The following WWC2 variants were observed in gnomAD, a reference collection of about 807,000 sequenced individuals.
WWC2 encodes the protein WW and C2 domain containing 2.
In WWC2, 101 loss-of-function variants were observed where a neutral mutation model predicts 138.5. The ratio of observed to expected loss-of-function variants is 0.73; its 90% CI spans 0.62 to 0.86. WWC2 has a LOEUF of 0.86. Ranked by LOEUF, WWC2 falls within the 40% of genes least tolerant of loss-of-function variation. WWC2 has a pLI of 0.00. For missense variants in WWC2, 1,420 were observed against 1,419.4 expected (o/e 1.00, Z -0.01); for synonymous variants, 558 against 538.4 (o/e 1.04, Z -0.50).
chr4:183,312,596 A>G, intron 22 of WWC2, 128 bp downstream of exon 22: 1 of 1,364,004 alleles, frequency 7.3e-7, no homozygotes, highest in Non-Finnish European at 9.8e-7. Context: ...TCTACCTTGA[A>G]TATATAATTT....
chr4:183,172,101 G>A (rs1734306734), intron 1 of WWC2, among the ~76,000 whole-genome samples: 1 of 151,946 alleles, frequency 6.6e-6, no homozygotes, highest in Non-Finnish European at 1.5e-5. Flanking sequence ...CCAATTTGTG[G>A]CCAGAATTAT....
intron 6 of WWC2, among the ~76,000 whole-genome samples, chr4:183,247,641 A>G (rs1043667747): frequency 2.9e-5 from 4 of 139,006 alleles, no homozygotes; most frequent in Non-Finnish European, 6.2e-5. Flanking sequence ...TATATATACT[A>G]TATATACTAT....
intron 1 of WWC2, among the ~76,000 whole-genome samples, chr4:183,132,937 A>C (rs1732972945): frequency 6.8e-6 from 1 of 147,480 alleles, no homozygotes; most frequent in South Asian, 2.1e-4. Flanking sequence ...TCAATACTTT[A>C]TTATTAGCCC....
At chr4:183,299,952 C>T (rs1738773132) in intron 21 of WWC2, among the ~76,000 whole-genome samples, 1 of 152,188 alleles carries the variant, frequency 6.6e-6, no homozygotes, top group Admixed American at 6.5e-5. Flanking sequence ...GGTCACACTC[C>T]TTAACCTTCC....
At position 183,133,685 on chromosome 4, in the gene WWC2, C is replaced by T. The variant is rs150499488; in HGVS notation, c.131+34063C>T. Among the ~76,000 whole-genome samples, 54 of 152,170 alleles carry T rather than the reference C, an allele frequency of 3.5e-4. No homozygotes were observed. In the East Asian group the frequency reaches 9.9e-3, roughly 28 times the overall value. On this transcript the variant is annotated intron_variant, in intron 1 of 22. Coordinates refer to ENST00000403733, the MANE Select transcript of WWC2 (RefSeq NM_024949.6). Reference sequence around the variant, plus strand: ...CTAATTTTTGTATTTTTAGTAGAGACGGGGTTTCACCGTGTTGGCCAGGCT... The same window carrying T: ...CTAATTTTTGTATTTTTAGTAGAGATGGGGTTTCACCGTGTTGGCCAGGCT...
chr4:183,217,808 CAT>C (rs756421074), intron 4 of WWC2, among the ~76,000 whole-genome samples: 61 of 152,094 alleles, frequency 4.0e-4, no homozygotes, highest in African/African-American at 1.2e-3. Context: ...GATAGTTAGA[CAT>C]GTGTAATTAA....
intron 4 of WWC2, among the ~76,000 whole-genome samples, chr4:183,220,148 G>A (rs1175591130): frequency 6.6e-6 from 1 of 152,176 alleles, no homozygotes; most frequent in East Asian, 1.9e-4. Context: ...AGAGCCACAA[G>A]GAACTGAATG....
chr4:183,106,246 A>G (rs1375187190), intron 1 of WWC2, among the ~76,000 whole-genome samples: 1 of 151,816 alleles, frequency 6.6e-6, no homozygotes, highest in Non-Finnish European at 1.5e-5. Context: ...AGCCTCCCAA[A>G]ATGCTGGGAT....
rs139803351 is a variant in WWC2, at chr4:183,230,916, T to C, written c.523-9267T>C. Among the ~76,000 whole-genome samples, 1,287 of 152,296 alleles carry C rather than the reference T, an allele frequency of 8.5e-3. 31 individuals carry two copies. Among genetic ancestry groups the C allele is most frequent in the African/African-American group, 0.029 (1,213 of 41,558 alleles). On this transcript the variant is annotated intron_variant, in intron 4 of 22. Transcript: ENST00000403733. ...TTGAAGTGAAATGACTAAATTCGTA[T>C]TGAAATATTATTAACCAAAACTGAT...
intron 4 of WWC2, among the ~76,000 whole-genome samples, chr4:183,228,905 A>G (rs79405638): frequency 1.3e-5 from 2 of 152,120 alleles, no homozygotes; most frequent in Admixed American, 6.5e-5. Context: ...ATGCAAATCA[A>G]CGTACACAAC....
Position 183,316,991 on chromosome 4 carries a change from G to C in WWC2, c.*1262G>C, listed in dbSNP as rs774135163. On this transcript the variant is annotated 3_prime_UTR_variant, in exon 23 of 23. Coordinates refer to ENST00000403733, the MANE Select transcript of WWC2 (RefSeq NM_024949.6). ...GACCCAGGCACTTCTTAAAAACACAGATCCTCAGTGCAGCTCTGCCAGCAT... is the reference window on the plus strand; with the variant it reads ...GACCCAGGCACTTCTTAAAAACACACATCCTCAGTGCAGCTCTGCCAGCAT... 2.0e-5 allele frequency: 3 copies of C among 152,126 alleles called. No individual in the cohort carries two copies. The highest frequency in any genetic ancestry group is 4.4e-5 in the Non-Finnish European group (3 of 68,032). The allele number at this position is 152,126 out of a possible 1,614,324, so 9.4% of individuals were successfully genotyped here.
chr4:183,280,821 G>C lies in WWC2; in HGVS notation c.2608G>C (p.Ala870Pro). The part of the protein sequence containing the change: ...LLARTSAELL[A>P]VEQELAQEEE... Reference sequence around the variant, plus strand: ...TGCAAGAACATCAGCTGAGTTGTTAGCTGTGGAACAAGAATTAGCACAAGA... The same window carrying C: ...TGCAAGAACATCAGCTGAGTTGTTACCTGTGGAACAAGAATTAGCACAAGA... The change falls in exon 17 of 23, where the codon GCT becomes CCT. Residue 870 changes from alanine to proline, a missense_variant. Ala to Pro is a conservative substitution (Grantham distance 27). Coordinates refer to ENST00000403733, the MANE Select transcript of WWC2 (RefSeq NM_024949.6). 3 of 1,602,570 alleles carry C rather than the reference G, an allele frequency of 1.9e-6. No individual in the cohort carries two copies. Among genetic ancestry groups the C allele is most frequent in the Non-Finnish European group, 2.6e-6 (3 of 1,174,416 alleles).
At chr4:183,185,861 C>T (rs1734780487) in intron 1 of WWC2, among the ~76,000 whole-genome samples, 1 of 151,570 alleles carries the variant, frequency 6.6e-6, no homozygotes, top group Admixed American at 6.6e-5. Flanking sequence ...TATATTAGAG[C>T]ATGTGTGGTA....
intron 4 of WWC2, among the ~76,000 whole-genome samples, chr4:183,215,222 A>G (rs570832396): frequency 2.0e-4 from 30 of 152,392 alleles, no homozygotes; most frequent in African/African-American, 6.5e-4. Flanking sequence ...TTATACTTTA[A>G]TAAAAGTTAT....
chr4:183,197,314 C>T (rs181073191), intron 2 of WWC2, among the ~76,000 whole-genome samples: 23 of 152,354 alleles, frequency 1.5e-4, no homozygotes, highest in African/African-American at 5.3e-4. Context: ...TCCATTGTCT[C>T]ATTAATCTTC....
intron 16 of WWC2, among the ~76,000 whole-genome samples, chr4:183,276,823 GT>G: frequency 6.6e-6 from 1 of 151,956 alleles, no homozygotes; most frequent in East Asian, 1.9e-4. Context: ...GTGAAGGATA[GT>G]TTTTTTGCTG....
At position 183,261,508 on chromosome 4, in the gene WWC2, G is replaced by T; in HGVS notation, c.1885G>T (p.Glu629Ter). Residue 629 changes from glutamate (E) to a stop codon, truncating the protein, a stop_gained, in exon 11 of 23, where the codon GAG becomes TAG. Transcript: ENST00000403733. LOFTEE classifies it high-confidence loss of function. ...EDKDLNECAR[E>*]PLYEGTADVE... ...TAAAGACCTTAATGAATGTGCTAGG[G>T]AGCCATTATATGAAGGAACTGCAGG... 6.2e-7 allele frequency: 1 copy of T among 1,612,294 alleles called. No homozygotes were observed.
chr4:183,099,749 G>T, intron 1 of WWC2, 127 bp downstream of exon 1: 1 of 993,954 alleles, frequency 1.0e-6, no homozygotes, highest in Non-Finnish European at 1.2e-6. Context: ...GAGGGATGTG[G>T]GGCTGGCTGC....
At chr4:183,239,558 T>C (rs777941408) in intron 4 of WWC2, among the ~76,000 whole-genome samples, 3 of 152,298 alleles carry the variant, frequency 2.0e-5, no homozygotes, top group Non-Finnish European at 4.4e-5. Context: ...TTGGCATGGT[T>C]GTAGATGCTT....
Sources: allele counts gnomAD v4.1 joint callset (sites outside exome capture counted in the v4.1 genomes callset), GRCh38; gene constraint gnomAD v4.1.1; transcripts MANE v1.5; gene names NCBI Gene and HGNC (gene_info 2026-07-23, HGNC 2026-07-21).